SH3GL2: variants seen among roughly 807,000 people sequenced by gnomAD.
SH3GL2 encodes endophilin-A1.
A neutral mutation model predicts 46.0 loss-of-function variants in SH3GL2; 24 were observed. That is an observed-to-expected ratio of 0.52 (90% CI 0.38 to 0.73). The LOEUF is 0.73. Among genes scored for constraint, SH3GL2 ranks in the 30% least tolerant of loss-of-function variants. The pLI is 0.00. For missense variants in SH3GL2, 413 were observed against 424.2 expected (o/e 0.97, Z 0.23); for synonymous variants, 196 against 147.1 (o/e 1.33, Z -2.40).
At chr9:17,792,048 A>G (rs910915878) in intron 7 of SH3GL2, among the ~76,000 whole-genome samples, 1 of 152,212 alleles carries the variant, frequency 6.6e-6, no homozygotes, top group Non-Finnish European at 1.5e-5. Flanking sequence ...TTTGCTGAAC[A>G]TGTATACCTC....
At chr9:17,763,557 C>T (rs1193476932) in intron 3 of SH3GL2, among the ~76,000 whole-genome samples, 1 of 152,150 alleles carries the variant, frequency 6.6e-6, no homozygotes, top group African/African-American at 2.4e-5. Context: ...AGCTGGAAGA[C>T]ATGAGGAAGG....
At chr9:17,754,109 G>C (rs1159617082) in intron 2 of SH3GL2, among the ~76,000 whole-genome samples, 2 of 152,132 alleles carry the variant, frequency 1.3e-5, no homozygotes, top group Non-Finnish European at 2.9e-5. Context: ...AAGTTGGATA[G>C]CATGATGACT....
At chr9:17,673,589 G>A (rs184053080) in intron 1 of SH3GL2, among the ~76,000 whole-genome samples, 62 of 152,220 alleles carry the variant, frequency 4.1e-4, no homozygotes, top group African/African-American at 1.5e-3. Context: ...TTTGTCACCA[G>A]CAGGATAAAG....
intron 1 of SH3GL2, among the ~76,000 whole-genome samples, chr9:17,685,081 T>C (rs1820868597): frequency 6.6e-6 from 1 of 152,076 alleles, no homozygotes; most frequent in African/African-American, 2.4e-5. Context: ...GGTACCTATA[T>C]CAGCCAAGGT....
At chr9:17,714,577 CTT>C (rs1237971701) in intron 1 of SH3GL2, among the ~76,000 whole-genome samples, 4 of 151,666 alleles carry the variant, frequency 2.6e-5, no homozygotes, top group Admixed American at 2.6e-4. Flanking sequence ...TAACATTGAT[CTT>C]TAACATCACA....
chr9:17,718,159 T>C (rs574232625), intron 1 of SH3GL2, among the ~76,000 whole-genome samples: 1 of 152,168 alleles, frequency 6.6e-6, no homozygotes, highest in East Asian at 1.9e-4. Context: ...ACTTTAGCAT[T>C]TACCATACAG....
chr9:17,754,960 A>G (rs1188484536), intron 2 of SH3GL2, among the ~76,000 whole-genome samples: 1 of 152,072 alleles, frequency 6.6e-6, no homozygotes, highest in Non-Finnish European at 1.5e-5. Context: ...CTCTCTTCCT[A>G]CTTGGATGTG....
chr9:17,744,083 T>C (rs1173045316), intron 1 of SH3GL2, among the ~76,000 whole-genome samples: 1 of 152,120 alleles, frequency 6.6e-6, no homozygotes, highest in Non-Finnish European at 1.5e-5. Context: ...CAACAATTGA[T>C]TTGGGGTTTT....
chr9:17,675,516 T>A (rs1168900925), intron 1 of SH3GL2, among the ~76,000 whole-genome samples: 1 of 152,162 alleles, frequency 6.6e-6, no homozygotes, highest in Non-Finnish European at 1.5e-5. Context: ...ACTCTTTAAG[T>A]TGTACAGAAG....
intron 1 of SH3GL2, among the ~76,000 whole-genome samples, chr9:17,719,970 TA>T (rs200958261): frequency 9.1e-5 from 13 of 142,346 alleles, no homozygotes; most frequent in Non-Finnish European, 1.6e-4. Flanking sequence ...GTTTACTAAT[TA>T]AAAAAAACCT....
intron 1 of SH3GL2, among the ~76,000 whole-genome samples, chr9:17,625,237 G>A (rs1232384649): frequency 6.6e-6 from 1 of 152,104 alleles, no homozygotes; most frequent in Admixed American, 6.5e-5. Context: ...TGAGTGGATG[G>A]TATTCTGGTT....
chr9:17,710,385 T>A (rs1372224292), intron 1 of SH3GL2, among the ~76,000 whole-genome samples: 1 of 151,978 alleles, frequency 6.6e-6, no homozygotes, highest in Non-Finnish European at 1.5e-5. Flanking sequence ...GAGAACGGAC[T>A]AATACAGGGA....
intron 1 of SH3GL2, among the ~76,000 whole-genome samples, chr9:17,606,248 A>G (rs1278190105): frequency 6.6e-6 from 1 of 151,962 alleles, no homozygotes; most frequent in East Asian, 1.9e-4. Flanking sequence ...ACCCACCACC[A>G]CACCCAGCTA....
At chr9:17,589,683 G>A (rs964416481) in intron 1 of SH3GL2, 2 of 152,280 alleles carry the variant, frequency 1.3e-5, no homozygotes, top group African/African-American at 4.8e-5. Context: ...GGCCAACACA[G>A]ACAGTGAAAT....
rs775001234 is a variant in SH3GL2 at position 17,653,617 on chromosome 9, A to T, written c.45+74330A>T. 2.0e-5 allele frequency among the ~76,000 whole-genome samples: 3 copies of T among 152,178 alleles called. No individual in the cohort carries two copies. In the South Asian group the frequency reaches 6.2e-4, roughly 32 times the overall value. On this transcript the variant is annotated intron_variant, in intron 1 of 8. Transcript: ENST00000380607. Reference sequence around the variant, plus strand: ...TGGAATGTGTCCCTTCCCAAGTCCAAGTGCTGCCAATGTGATAGTACAAAG... The same window carrying T: ...TGGAATGTGTCCCTTCCCAAGTCCATGTGCTGCCAATGTGATAGTACAAAG...
intron 1 of SH3GL2, among the ~76,000 whole-genome samples, chr9:17,723,041 ACACT>A (rs768565342): frequency 2.0e-5 from 3 of 152,148 alleles, no homozygotes; most frequent in South Asian, 2.1e-4. Flanking sequence ...CATTTAAAAC[ACACT>A]CACAGTTTGT....
At chr9:17,672,123 G>C (rs535882130) in intron 1 of SH3GL2, among the ~76,000 whole-genome samples, 1 of 152,188 alleles carries the variant, frequency 6.6e-6, no homozygotes, top group African/African-American at 2.4e-5. Flanking sequence ...GCAGTGTGAG[G>C]TAAATACAAT....
At chr9:17,666,788 C>A (rs75995301) in intron 1 of SH3GL2, among the ~76,000 whole-genome samples, 1 of 151,912 alleles carries the variant, frequency 6.6e-6, no homozygotes, top group Non-Finnish European at 1.5e-5. Context: ...AGTAATATTG[C>A]TAGATCAAAA....
intron 1 of SH3GL2, among the ~76,000 whole-genome samples, chr9:17,649,022 TAAAAATA>T (rs1424137926): frequency 6.6e-6 from 1 of 152,210 alleles, no homozygotes; most frequent in African/African-American, 2.4e-5. Context: ...TGCATGTGTA[TAAAAATA>T]AGTCTGTCAA....
Sources: gnomAD v4.1 joint callset for allele counts (sites outside exome capture counted in the v4.1 genomes callset) on GRCh38, gnomAD v4.1.1 for gene constraint, MANE v1.5 for transcripts, NCBI Gene and HGNC (gene_info 2026-07-23, HGNC 2026-07-21) for gene names.